The following EML2 variants were observed in gnomAD, a reference collection of about 807,000 sequenced individuals.
EML2 encodes the protein EMAP like 2, also known as echinoderm microtubule-associated protein-like 2.
A neutral mutation model predicts 84.7 loss-of-function variants in EML2; 59 were observed. The observed-to-expected ratio is 0.70, with a 90% CI of 0.56 to 0.86. The LOEUF (loss-of-function observed/expected upper bound fraction) is 0.86. Among genes scored for constraint, EML2 ranks in the 40% least tolerant of loss-of-function variants. EML2 has a pLI of 0.00. For synonymous variants in EML2, 352 were observed against 348.9 expected (o/e 1.01, Z -0.10); for missense variants, 818 against 855.6 (o/e 0.96, Z 0.55).
At chr19:45,642,010 C>T (rs187055543), upstream of EML2, 384 of 1,444,448 alleles carry the variant, frequency 2.7e-4, 1 homozygote, top group East Asian at 9.5e-3. Context: ...TAAGGGGCGT[C>T]CTGGTGGGAA....
chr19:45,628,454 A>C (rs1378462944), intron 7 of EML2, among the ~76,000 whole-genome samples: 4 of 152,000 alleles, frequency 2.6e-5, no homozygotes, highest in Non-Finnish European at 5.9e-5. Context: ...TGTGGAACCC[A>C]GCTCACCTAG....
intron 16 of EML2, chr19:45,615,140 C>T (rs1339817925): frequency 6.1e-6 from 1 of 163,602 alleles, no homozygotes; most frequent in Non-Finnish European, 1.3e-5. Flanking sequence ...AGTTTAAGAC[C>T]AACCTGGTCA....
intron 18 of EML2, among the ~76,000 whole-genome samples, chr19:45,610,383 G>C (rs747723338): frequency 4.4e-4 from 66 of 150,426 alleles, no homozygotes; most frequent in Non-Finnish European, 7.4e-4. Context: ...GTGACAGAGT[G>C]AGACTCTGTC....
chr19:45,610,021 C>A (rs1046265622), intron 18 of EML2, among the ~76,000 whole-genome samples: 2 of 152,088 alleles, frequency 1.3e-5, no homozygotes, highest in African/African-American at 4.8e-5. Context: ...CACAGATATG[C>A]GCCCCCACAC....
At chr19:45,626,029 A>C (rs957098238) in intron 8 of EML2, among the ~76,000 whole-genome samples, 7 of 151,624 alleles carry the variant, frequency 4.6e-5, no homozygotes, top group Admixed American at 4.6e-4. Context: ...GGTGCGCACC[A>C]CCATGCCTGG....
chr19:45,613,000 C>A (rs1271586568), intron 18 of EML2, among the ~76,000 whole-genome samples: 1 of 152,018 alleles, frequency 6.6e-6, no homozygotes, highest in African/African-American at 2.4e-5. Context: ...TGGGCTCAAG[C>A]AATCCTCCCA....
At chr19:45,610,845 C>T (rs73570950) in intron 18 of EML2, among the ~76,000 whole-genome samples, 6,230 of 152,094 alleles carry the variant, frequency 0.041, 452 homozygotes, top group African/African-American at 0.14. Context: ...GTCAAAAAAA[C>T]AAAAACAAAC....
Position 45,626,807 on chromosome 19 carries a change from G to A in EML2, c.639C>T (p.Phe213=), listed in dbSNP as rs771907035. 5.0e-6 allele frequency: 8 copies of A among 1,613,834 alleles called. No individual in the cohort carries two copies. The South Asian group carries it at 7.7e-5, about 16-fold the overall frequency. ...TAAGCACAGTGGGGTCCGTGGGGTGGAAGGTGGCCACCAATACAGCCTCAT... is the reference window on the plus strand; with the variant it reads ...TAAGCACAGTGGGGTCCGTGGGGTGAAAGGTGGCCACCAATACAGCCTCAT... The part of the protein sequence containing the change: ...CSNEAVLVAT[F]HPTDPTVLIT... Residue 213 remains phenylalanine (F), a synonymous_variant, in exon 8 of 19, where the codon TTC becomes TTT. Transcript: ENST00000245925.
At chr19:45,611,731 G>A (rs547785806) in intron 18 of EML2, among the ~76,000 whole-genome samples, 3 of 152,030 alleles carry the variant, frequency 2.0e-5, no homozygotes, top group East Asian at 2.0e-4. Flanking sequence ...CAGGTGATCC[G>A]CCTGCCTCGG....
Position 45,609,486 on chromosome 19 carries a change from G to T in EML2, c.*177C>A. 3.1e-6 allele frequency: 2 copies of T among 647,606 alleles called. No homozygotes were observed. The highest frequency in any genetic ancestry group is 2.3e-6 in the Non-Finnish European group (1 of 432,954). The allele number at this position is 647,606 out of a possible 1,614,324, so 40.1% of individuals were successfully genotyped here. A position where few individuals can be genotyped will look rare whatever the true frequency, so the allele number is the denominator to read the frequency against. ...CCAAACACCAATGGATCCCCAAAGC[G>T]ATGTGACTCCCTCTTCCCACCCGGA... is the stretch of plus-strand genomic sequence containing the variant. On this transcript the variant is annotated 3_prime_UTR_variant, in exon 19 of 19. Coordinates refer to ENST00000245925, the MANE Select transcript of EML2 (RefSeq NM_012155.4).
At chr19:45,641,504 A>T, upstream of EML2, 1 of 835,310 alleles carries the variant, frequency 1.2e-6, no homozygotes, top group Non-Finnish European at 1.9e-6. Context: ...GGTCCCTCCA[A>T]GGCTCTGGCA....
chr19:45,638,316 A>G (rs1291000103), intron 3 of EML2, among the ~76,000 whole-genome samples, 189 bp downstream of exon 3: 1 of 152,202 alleles, frequency 6.6e-6, no homozygotes, highest in Admixed American at 6.5e-5. Flanking sequence ...AAATGCACCA[A>G]TCCCACTCTG....
chr19:45,621,574 G>T lies in EML2; in HGVS notation c.905C>A (p.Ala302Asp). The T allele has an allele frequency of 6.2e-7, 1 of 1,612,448 alleles. No homozygotes were observed. The highest frequency in any genetic ancestry group is 2.2e-5 in the East Asian group (1 of 44,864). Residue 302 changes from alanine to aspartate, a missense_variant, in exon 10 of 19, where the codon GCC (alanine) becomes GAC (aspartate). By Grantham distance (126) the Ala-to-Asp change is moderately radical. Transcript: ENST00000245925. ...AGACACCAGCGTCCCGTCCCGCAGG[G>T]CGCAGAGCCCAAACACGCCGCCGTC... The part of the protein sequence containing the change: ...AHDGGVFGLC[A>D]LRDGTLVSGG...
intron 8 of EML2, 127 bp from the exon 9 acceptor site, chr19:45,624,945 C>G: frequency 1.5e-6 from 1 of 665,802 alleles, no homozygotes. Flanking sequence ...TAAGGCTCTG[C>G]GTGGAGCATC....
chr19:45,645,392 C>T (rs1277502943), upstream of EML2: 1 of 1,504,338 alleles, frequency 6.6e-7, no homozygotes, highest in Non-Finnish European at 8.8e-7. Flanking sequence ...GGCCCGGTCC[C>T]CCCAACCAGG....
intron 7 of EML2, among the ~76,000 whole-genome samples, chr19:45,627,189 C>G (rs1306813323): frequency 6.6e-6 from 1 of 151,808 alleles, no homozygotes; most frequent in Non-Finnish European, 1.5e-5. Context: ...GAACTCTTTA[C>G]CTCGTGATCC....
upstream of EML2, chr19:45,641,703 G>A (rs892562303): frequency 1.3e-6 from 2 of 1,536,092 alleles, no homozygotes; most frequent in East Asian, 2.4e-5. Flanking sequence ...GGTCCTCACG[G>A]CGCACCGAGG....
chr19:45,642,282 C>A, upstream of EML2: 1 of 1,535,976 alleles, frequency 6.5e-7, no homozygotes, highest in Non-Finnish European at 8.7e-7. Flanking sequence ...CTTCCTGTAA[C>A]TGCAGCCGCT....
At chr19:45,617,564 G>T in intron 13 of EML2, 66 bp downstream of exon 13, 1 of 1,422,586 alleles carries the variant, frequency 7.0e-7, no homozygotes, top group Non-Finnish European at 9.8e-7. Context: ...AAGTAGGAAA[G>T]AGGGAAGAAG....
Sources: gnomAD v4.1 joint callset for allele counts (sites outside exome capture counted in the v4.1 genomes callset) on GRCh38, gnomAD v4.1.1 for gene constraint, MANE v1.5 for transcripts, NCBI Gene and HGNC (gene_info 2026-07-23, HGNC 2026-07-21) for gene names.